DTNB: variants seen among roughly 807,000 people sequenced by gnomAD.
The protein encoded by DTNB is DTN-B.
DTNB carries 63 observed loss-of-function variants against 90.7 expected under a neutral mutation model. The observed-to-expected ratio is 0.69, with a 90% CI of 0.57 to 0.86. The LOEUF is 0.86. Ranked by LOEUF, DTNB falls within the 40% of genes least tolerant of loss-of-function variation. The pLI, the probability that DTNB is intolerant of heterozygous loss-of-function variation, is 0.00. For synonymous variants in DTNB, 277 were observed against 286.7 expected (o/e 0.97, Z 0.34); for missense variants, 744 against 807.1 (o/e 0.92, Z 0.95).
chr2:25,642,785 G>A (rs1318500403), intron 2 of DTNB, among the ~76,000 whole-genome samples: 2 of 151,432 alleles, frequency 1.3e-5, no homozygotes, highest in African/African-American at 4.9e-5. Flanking sequence ...ATAGAGTCTC[G>A]CTCTGTCACC....
chr2:25,488,951 G>A (rs888552624), intron 9 of DTNB, among the ~76,000 whole-genome samples: 8 of 152,028 alleles, frequency 5.3e-5, no homozygotes, highest in Admixed American at 2.0e-4. Flanking sequence ...AAGTCTGGCC[G>A]AAAACGTACA....
chr2:25,642,160 T>G (rs972793753), intron 2 of DTNB, among the ~76,000 whole-genome samples: 1 of 151,848 alleles, frequency 6.6e-6, no homozygotes, highest in Non-Finnish European at 1.5e-5. Context: ...ATAATACAAG[T>G]GAGATAAGTA....
chr2:25,503,782 T>C (rs2150590756), intron 9 of DTNB, among the ~76,000 whole-genome samples: 1 of 151,954 alleles, frequency 6.6e-6, no homozygotes, highest in East Asian at 1.9e-4. Flanking sequence ...CTGGGCGTGG[T>C]GGCGGGCACC....
intron 8 of DTNB, among the ~76,000 whole-genome samples, chr2:25,544,321 A>C (rs532087032): frequency 1.2e-4 from 18 of 152,348 alleles, no homozygotes; most frequent in African/African-American, 4.3e-4. Context: ...GATACTCTGC[A>C]AAACTTTTTC....
intron 9 of DTNB, among the ~76,000 whole-genome samples, chr2:25,499,292 T>C (rs1177181166): frequency 6.6e-6 from 1 of 152,182 alleles, no homozygotes; most frequent in Non-Finnish European, 1.5e-5. Flanking sequence ...CCAACTCTGA[T>C]ACTAAGTGGA....
chr2:25,529,450 G>A (rs1191788470), intron 9 of DTNB, among the ~76,000 whole-genome samples: 1 of 151,868 alleles, frequency 6.6e-6, no homozygotes, highest in Non-Finnish European at 1.5e-5. Flanking sequence ...CTATAATGTT[G>A]AGAGGCAGGC....
intron 15 of DTNB, 101 bp downstream of exon 15, chr2:25,427,434 A>T: frequency 2.6e-6 from 3 of 1,132,502 alleles, no homozygotes; most frequent in Non-Finnish European, 3.7e-6. Flanking sequence ...GCTAAAGTCA[A>T]GCCTTTGGCC....
intron 9 of DTNB, among the ~76,000 whole-genome samples, chr2:25,515,721 G>A (rs2074972731): frequency 6.6e-6 from 1 of 151,954 alleles, no homozygotes; most frequent in South Asian, 2.1e-4. Flanking sequence ...GATTACAGGA[G>A]CCCGCCACCA....
In DTNB at chr2:25,380,596, A is replaced by C. The variant is rs150193818; in HGVS notation, c.1880-1273T>G. ...ACAGACATTCTGGTATATGCACTGA[A>C]AGACAGACAAGGAGCTCTAAGGGCA... On this transcript the variant is annotated intron_variant, in intron 19 of 20. Transcript: ENST00000406818. Among the ~76,000 whole-genome samples, 12 of 152,380 alleles carry C rather than the reference A, an allele frequency of 7.9e-5. No individual in the cohort carries two copies. In the East Asian group the frequency reaches 2.3e-3, roughly 29 times the overall value.
At chr2:25,526,084 G>A (rs1009707338) in intron 9 of DTNB, among the ~76,000 whole-genome samples, 1 of 152,046 alleles carries the variant, frequency 6.6e-6, no homozygotes, top group East Asian at 1.9e-4. Flanking sequence ...CAGGGGTATG[G>A]AGCCTGAATG....
chr2:25,670,349 A>G (rs993091267), intron 1 of DTNB, among the ~76,000 whole-genome samples: 3 of 152,304 alleles, frequency 2.0e-5, no homozygotes, highest in African/African-American at 7.2e-5. Context: ...GAGTAGGTCA[A>G]GGGGGCCTTT....
intron 16 of DTNB, among the ~76,000 whole-genome samples, chr2:25,393,169 C>T (rs1174236914): frequency 6.6e-6 from 1 of 152,112 alleles, no homozygotes; most frequent in Non-Finnish European, 1.5e-5. Flanking sequence ...AAGCATTAGA[C>T]AAAATCCAGC....
intron 8 of DTNB, among the ~76,000 whole-genome samples, chr2:25,558,775 A>G (rs543416519): frequency 6.6e-6 from 1 of 152,304 alleles, no homozygotes; most frequent in African/African-American, 2.4e-5. Context: ...GAAAGGAGCA[A>G]TATCTAAAAC....
intron 4 of DTNB, among the ~76,000 whole-genome samples, chr2:25,612,574 A>G (rs1003317444): frequency 6.6e-6 from 1 of 152,146 alleles, no homozygotes; most frequent in Middle Eastern, 3.2e-3. Context: ...AATACTATAA[A>G]TAAGAGCAGA....
chr2:25,646,313 TA>T (rs1004969210), intron 2 of DTNB, among the ~76,000 whole-genome samples: 2 of 150,566 alleles, frequency 1.3e-5, no homozygotes, highest in African/African-American at 2.4e-5. Context: ...CCATCTCTAC[TA>T]AAAAAAAATT....
intron 8 of DTNB, among the ~76,000 whole-genome samples, chr2:25,570,612 T>C (rs555300489): frequency 1.3e-5 from 2 of 152,270 alleles, no homozygotes; most frequent in African/African-American, 4.8e-5. Context: ...TATTCCTTAC[T>C]TGACTGTTGG....
intron 2 of DTNB, among the ~76,000 whole-genome samples, chr2:25,646,570 C>T (rs974689385): frequency 2.0e-5 from 3 of 152,172 alleles, no homozygotes; most frequent in Admixed American, 6.5e-5. Flanking sequence ...TCTCCACAAC[C>T]TCTTATTGCA....
At position 25,387,388 on chromosome 2, in the gene DTNB, G is replaced by A; in HGVS notation, c.1736-10C>T. ...AGGTTTCTCCTCGTACCTGAGGAGA[G>A]GCAGAGCAGATGGGGATGCCAGGGT... On this transcript the variant is annotated splice_polypyrimidine_tract_variant and intron_variant, in intron 17 of 20. Transcript: ENST00000406818. The surrounding 1 kb of genome is among the most constrained non-coding windows in gnomAD (Gnocchi z 4.5). The A allele has an allele frequency of 6.2e-7, 1 of 1,609,214 alleles. No individual in the cohort carries two copies. The highest frequency in any genetic ancestry group is 8.5e-7 in the Non-Finnish European group (1 of 1,176,638).
chr2:25,629,423 T>C (rs777616532), intron 3 of DTNB, among the ~76,000 whole-genome samples: 51 of 152,192 alleles, frequency 3.4e-4, no homozygotes, highest in Non-Finnish European at 6.8e-4. Flanking sequence ...GACCCAAATA[T>C]GTCAGTTAAC....
Sources: allele counts gnomAD v4.1 joint callset (sites outside exome capture counted in the v4.1 genomes callset), GRCh38; gene constraint gnomAD v4.1.1; non-coding constraint Gnocchi (gnomAD v3.1); transcripts MANE v1.5; gene names NCBI Gene and HGNC (gene_info 2026-07-23, HGNC 2026-07-21).